Variants in LIPG observed in about 807,000 individuals in gnomAD.
LIPG encodes endothelial lipase.
A neutral mutation model predicts 51.8 loss-of-function variants in LIPG; 34 were observed. That is an observed-to-expected ratio of 0.66 (90% CI 0.50 to 0.87). LIPG has a LOEUF of 0.87. Among genes scored for constraint, LIPG ranks in the 40% least tolerant of loss-of-function variants. The probability of loss-of-function intolerance (pLI) is 0.00; values close to 1 mark genes in which losing one functional copy is unlikely to be tolerated. For missense variants in LIPG, 580 were observed against 652.7 expected, an observed-to-expected ratio of 0.89 and a Z score of 1.21; for synonymous variants, 246 against 246.1, an observed-to-expected ratio of 1.00 and a Z score of 0.00.
intron 9 of LIPG, 177 bp from the exon 10 acceptor site, chr18:49,590,324 A>G (rs1600572690): frequency 1.4e-6 from 1 of 719,466 alleles, no homozygotes. Context: ...CAGGTTAGGG[A>G]GAGAAGGCAG....
At chr18:49,577,847 GA>G (rs2084742339) in intron 5 of LIPG, among the ~76,000 whole-genome samples, 1 of 111,340 alleles carries the variant, frequency 9.0e-6, no homozygotes, top group African/African-American at 4.0e-5. Flanking sequence ...TGGGGGGGCT[GA>G]CCCCCCCATC....
At chr18:49,573,774 C>G (rs2084687441) in intron 4 of LIPG, among the ~76,000 whole-genome samples, 1 of 152,112 alleles carries the variant, frequency 6.6e-6, no homozygotes, top group Non-Finnish European at 1.5e-5. Context: ...GTGCTGTGGT[C>G]TGGTGAACAC....
In LIPG at chr18:49,575,418, G is replaced by C; in HGVS notation, c.621G>C (p.Arg207Ser). Residue 207 changes from arginine (R) to serine (S), a missense_variant, in exon 5 of 10, where the codon AGG becomes AGC. Transcript: ENST00000261292. ...TTGAAGGGGCCGACATCCACAAGAG[G>C]CTCTCTCCGGACGATGCAGATTTTG... The part of the protein sequence containing the change: ...PMFEGADIHK[R>S]LSPDDADFVD... The C allele has an allele frequency of 6.2e-7, 1 of 1,613,888 alleles. No homozygotes were observed. Among genetic ancestry groups the C allele is most frequent in the Non-Finnish European group, 8.5e-7 (1 of 1,180,044 alleles).
chr18:49,590,412 T>G (rs1445782402), intron 9 of LIPG, 89 bp from the exon 10 acceptor site: 1 of 1,422,944 alleles, frequency 7.0e-7, no homozygotes, highest in Non-Finnish European at 9.7e-7. Flanking sequence ...AGCTTGGCCT[T>G]AAGGTCAAAA....
Position 49,566,109 on chromosome 18 carries a change from A to G in LIPG, c.279+611A>G, listed in dbSNP as rs116510762. Among the ~76,000 whole-genome samples the G allele has an allele frequency of 8.4e-3, 1,283 of 152,358 alleles. 13 individuals are homozygous for G. Among genetic ancestry groups the G allele is most frequent in the African/African-American group, 0.03 (1,239 of 41,580 alleles). On this transcript the variant is annotated intron_variant, in intron 2 of 9. Transcript: ENST00000261292. Reference sequence around the variant, plus strand: ...TCATATAATGACAGTCTGTAGGGAAATGGCACTATTAAGTGAGCAGATTTC... The same window carrying G: ...TCATATAATGACAGTCTGTAGGGAAGTGGCACTATTAAGTGAGCAGATTTC...
At position 49,595,466 on chromosome 18, in the gene LIPG, G is replaced by A. The variant is rs2084977217; in HGVS notation, c.*4944G>A. The A allele has an allele frequency of 6.6e-6, 1 of 152,148 alleles. No homozygotes were observed. The highest frequency in any genetic ancestry group is 2.4e-5 in the African/African-American group (1 of 41,448). 9.4% of individuals were successfully genotyped at this position (152,148 alleles called of 1,614,324 possible). A position where few individuals can be genotyped will look rare whatever the true frequency, so the allele number is the denominator to read the frequency against. ...CTCAGGGTTGTTGTGAATGTTAAAGGTACATGGTAAAAAAGAAAGTATTTG... is the reference window on the plus strand; with the variant it reads ...CTCAGGGTTGTTGTGAATGTTAAAGATACATGGTAAAAAAGAAAGTATTTG... On this transcript the variant is annotated 3_prime_UTR_variant, in exon 10 of 10. Coordinates refer to ENST00000261292, the MANE Select transcript of LIPG (RefSeq NM_006033.4).
chr18:49,562,385 G>A lies in LIPG; in HGVS notation c.77G>A (p.Gly26Asp). 1 of 1,614,028 alleles carries A rather than the reference G, an allele frequency of 6.2e-7. No individual in the cohort carries two copies. Among genetic ancestry groups the A allele is most frequent in the Non-Finnish European group, 8.5e-7 (1 of 1,180,018 alleles). The part of the protein sequence containing the change: ...CFAAGSPVPF[G>D]PEGRLEDKLH... ...GCTGCGGGGAGCCCCGTACCTTTTGGTCCAGAGGGACGGCTGGAAGGTAAC... is the reference window on the plus strand; with the variant it reads ...GCTGCGGGGAGCCCCGTACCTTTTGATCCAGAGGGACGGCTGGAAGGTAAC... Residue 26 changes from glycine (G) to aspartate (D), a missense_variant, in exon 1 of 10, where the codon GGT (glycine) becomes GAT (aspartate). By Grantham distance (94) the Gly-to-Asp change is moderately conservative. Coordinates refer to ENST00000261292, the MANE Select transcript of LIPG (RefSeq NM_006033.4).
At chr18:49,576,223 C>T (rs184180801) in intron 5 of LIPG, among the ~76,000 whole-genome samples, 7 of 152,060 alleles carry the variant, frequency 4.6e-5, no homozygotes, top group East Asian at 3.9e-4. Context: ...AGCAAAAGTG[C>T]GCTCCCACTC....
In LIPG at chr18:49,594,470, C is replaced by T. The variant is rs1199046553; in HGVS notation, c.*3948C>T. ...ATTTTGTATCTTTTAACAATTCCGT[C>T]CCTATTTCCCCTTTCCCCCTACCAA... On this transcript the variant is annotated 3_prime_UTR_variant, in exon 10 of 10. Transcript: ENST00000261292. The T allele has an allele frequency of 6.6e-6, 1 of 152,066 alleles. No homozygotes were observed. The highest frequency in any genetic ancestry group is 1.5e-5 in the Non-Finnish European group (1 of 67,984). The allele number at this position is 152,066 out of a possible 1,614,324, so 9.4% of individuals were successfully genotyped here.
At position 49,583,653 on chromosome 18, in the gene LIPG, G is replaced by C. The variant is rs777226346; in HGVS notation, c.1255G>C (p.Ala419Pro). The C allele has an allele frequency of 6.2e-7, 1 of 1,614,168 alleles. No homozygotes were observed. The highest frequency in any genetic ancestry group is 1.1e-5 in the South Asian group (1 of 91,080). Residue 419 changes from alanine to proline, a missense_variant, in exon 8 of 10, where the codon GCC becomes CCC. By Grantham distance (27) the Ala-to-Pro change is conservative (BLOSUM62 -1). Transcript: ENST00000261292. ...GAAGATCCAGCTCACCTGGGAGGGG[G>C]CCTCTCAGTCTTGGTACAACCTGTG... ...LLKIQLTWEG[A>P]SQSWYNLWKE...
chr18:49,573,168 C>T (rs1435338692), intron 4 of LIPG, among the ~76,000 whole-genome samples: 1 of 152,212 alleles, frequency 6.6e-6, no homozygotes, highest in African/African-American at 2.4e-5. Context: ...TTTGTTCACA[C>T]CAAGTAAAGA....
At chr18:49,561,569 G>C, upstream of LIPG, 1 of 772,448 alleles carries the variant, frequency 1.3e-6, no homozygotes, top group Non-Finnish European at 1.8e-6. Context: ...TAGGCGGGAA[G>C]GGAGGGAGAA....
At position 49,562,316 on chromosome 18, in the gene LIPG, A is replaced by G. The variant is rs1294303891; in HGVS notation, c.8A>G (p.Asn3Ser). 2 of 1,612,406 alleles carry G rather than the reference A, an allele frequency of 1.2e-6. No individual in the cohort carries two copies. The highest frequency in any genetic ancestry group is 8.5e-7 in the Non-Finnish European group (1 of 1,179,858). The stretch of plus-strand genomic sequence containing the variant: ...GGGGTGTGGCGGGGCAGGATGAGCA[A>G]CTCCGTTCCTCTGCTCTGTTTCTGG... MS[N>S]SVPLLCFWSL... The change falls in exon 1 of 10, where the codon AAC (asparagine) becomes AGC (serine). Residue 3 changes from asparagine (N) to serine (S), a missense_variant. Coordinates refer to ENST00000261292, the MANE Select transcript of LIPG (RefSeq NM_006033.4).
chr18:49,566,616 G>T (rs955090200), intron 2 of LIPG, among the ~76,000 whole-genome samples: 1 of 152,102 alleles, frequency 6.6e-6, no homozygotes, highest in Non-Finnish European at 1.5e-5. Flanking sequence ...TTGTAATTTG[G>T]GATTCCGGGG....
At chr18:49,563,674 G>A (rs1455631961) in intron 1 of LIPG, among the ~76,000 whole-genome samples, 1 of 151,858 alleles carries the variant, frequency 6.6e-6, no homozygotes, top group East Asian at 1.9e-4. Context: ...GTCAGGGAAG[G>A]CCTTTCTGGA....
intron 5 of LIPG, among the ~76,000 whole-genome samples, chr18:49,576,723 G>A (rs1165857198): frequency 1.3e-5 from 2 of 151,634 alleles, no homozygotes; most frequent in African/African-American, 2.4e-5. Flanking sequence ...CATCTGCCTC[G>A]GCCTCCCAAA....
At chr18:49,573,920 T>C (rs1312896713) in intron 4 of LIPG, among the ~76,000 whole-genome samples, 1 of 152,162 alleles carries the variant, frequency 6.6e-6, no homozygotes, top group Non-Finnish European at 1.5e-5. Context: ...GTGGGGTGTG[T>C]GTGTGTTGGG....
chr18:49,576,061 C>T (rs2084712763), intron 5 of LIPG, among the ~76,000 whole-genome samples: 1 of 152,040 alleles, frequency 6.6e-6, no homozygotes, highest in Non-Finnish European at 1.5e-5. Flanking sequence ...TGGTTTTAAA[C>T]TCTTGACCTC....
intron 5 of LIPG, among the ~76,000 whole-genome samples, chr18:49,579,808 C>CTTTTCTTTTCTTTTCT (rs2084798545): frequency 8.9e-6 from 1 of 112,364 alleles, no homozygotes; most frequent in Non-Finnish European, 2.0e-5. Flanking sequence ...CTTTTCTTTT[C>CTTTTCTTTTCTTTTCT]TTTTCTTTTC....
Sources: gnomAD v4.1 joint callset for allele counts (sites outside exome capture counted in the v4.1 genomes callset) on GRCh38, gnomAD v4.1.1 for gene constraint, MANE v1.5 for transcripts, NCBI Gene and HGNC (gene_info 2026-07-23, HGNC 2026-07-21) for gene names.